The following ITIH5 variants were observed in gnomAD, a reference collection of about 807,000 sequenced individuals.
The protein encoded by ITIH5 is inter-alpha-trypsin inhibitor heavy chain H5.
ITIH5 carries 65 observed loss-of-function variants against 77.5 expected under a neutral mutation model. The observed-to-expected ratio is 0.84, with a 90% confidence interval of 0.69 to 1.03. The LOEUF (loss-of-function observed/expected upper bound fraction) is 1.03, where lower values mean the gene tolerates loss of function less well. Ranked by LOEUF, ITIH5 falls within the 50% of genes least tolerant of loss-of-function variation. The pLI is 0.00. For synonymous variants in ITIH5, 525 were observed against 494.3 expected (o/e 1.06, Z -0.82); for missense variants, 1,208 against 1,213.1 (o/e 1.00, Z 0.06).
In ITIH5 at chr10:7,661,006, G is replaced by A. The variant is rs980743912; in HGVS notation, c.91-5331C>T. Reference sequence around the variant, plus strand: ...GAGCAGTGGGCGAGCCCGCATTACCGGCTGAGCTCTGCCTCCTAATGCTCC... The same window carrying A: ...GAGCAGTGGGCGAGCCCGCATTACCAGCTGAGCTCTGCCTCCTAATGCTCC... On this transcript the variant is annotated intron_variant, in intron 1 of 13. Coordinates refer to ENST00000397146, the MANE Select transcript of ITIH5 (RefSeq NM_030569.7). Among the ~76,000 whole-genome samples, 14 of 152,328 alleles carry A rather than the reference G, an allele frequency of 9.2e-5. No individual in the cohort carries two copies. The East Asian group carries it at 1.2e-3, about 13-fold the overall frequency.
At chr10:7,589,640 T>A (rs550094765) in intron 7 of ITIH5, among the ~76,000 whole-genome samples, 1 of 152,092 alleles carries the variant, frequency 6.6e-6, no homozygotes, top group South Asian at 2.1e-4. Flanking sequence ...CTATTCTCTG[T>A]TCTCTCCTCT....
At chr10:7,588,301 T>C (rs1832723320) in intron 7 of ITIH5, among the ~76,000 whole-genome samples, 1 of 152,162 alleles carries the variant, frequency 6.6e-6, no homozygotes, top group African/African-American at 2.4e-5. Context: ...GGTAGATCAC[T>C]TGAGGTGAGG....
In ITIH5 at chr10:7,666,802, C is replaced by T; in HGVS notation, c.90+1G>A. Reference sequence around the variant, plus strand: ...ACCCGGCTCCCCTCGGCTCCACTTACCTGCTCCGAAGAGTGGCCCCAGCTC... The same window carrying T: ...ACCCGGCTCCCCTCGGCTCCACTTATCTGCTCCGAAGAGTGGCCCCAGCTC... On this transcript the variant is annotated splice_donor_variant, in intron 1 of 13. Coordinates refer to ENST00000397146, the MANE Select transcript of ITIH5 (RefSeq NM_030569.7). LOFTEE classifies it high-confidence loss of function. The T allele has an allele frequency of 6.2e-7, 1 of 1,605,530 alleles. No individual in the cohort carries two copies. Among genetic ancestry groups the T allele is most frequent in the South Asian group, 1.1e-5 (1 of 90,196 alleles).
At chr10:7,588,248 G>A (rs1241920086) in intron 7 of ITIH5, among the ~76,000 whole-genome samples, 2 of 152,216 alleles carry the variant, frequency 1.3e-5, no homozygotes, top group African/African-American at 2.4e-5. Context: ...GCCAGGCATG[G>A]TGGTGCACAC....
Position 7,617,164 on chromosome 10 carries a change from GTC to G in ITIH5, c.769_770del (p.Asp257LeufsTer4), listed in dbSNP as rs1440384701. Reference protein sequence around the residue: ...ARIAQNGILGDFIIRYDVNRE... With the variant: ...ARIAQNGILGXFIIRYDVNRE... ...TATTGACGTCATATCTAATGATAAAGTCTCCCAAAATTCCATTCTGGGCAATC... is the reference window on the plus strand; with the variant it reads ...TATTGACGTCATATCTAATGATAAAGTCCCAAAATTCCATTCTGGGCAATC... On this transcript the variant is annotated frameshift_variant, in exon 6 of 14. Coordinates refer to ENST00000397146, the MANE Select transcript of ITIH5 (RefSeq NM_030569.7). LOFTEE classifies it high-confidence loss of function. 6.2e-6 allele frequency: 10 copies of G among 1,604,678 alleles called. No homozygotes were observed. The highest frequency in any genetic ancestry group is 7.6e-6 in the Non-Finnish European group (9 of 1,176,920).
chr10:7,567,363 G>A (rs113078785), intron 12 of ITIH5, among the ~76,000 whole-genome samples: 31,339 of 109,408 alleles, frequency 0.29, 4,054 homozygotes, highest in East Asian at 0.49. Context: ...TTATACTTTA[G>A]GTTTTAGAGT....
At chr10:7,623,732 G>A (rs1411478720) in intron 5 of ITIH5, among the ~76,000 whole-genome samples, 1 of 151,106 alleles carries the variant, frequency 6.6e-6, no homozygotes, top group East Asian at 1.9e-4. Context: ...GAACCCAGGA[G>A]GTGGAGCTCA....
intron 13 of ITIH5, among the ~76,000 whole-genome samples, chr10:7,564,911 G>T (rs1049120848): frequency 8.3e-5 from 1 of 12,032 alleles, no homozygotes; most frequent in African/African-American, 1.3e-4. Flanking sequence ...TACAGACTGT[G>T]TGTGTATATA....
At chr10:7,607,105 G>C (rs559221202) in intron 7 of ITIH5, among the ~76,000 whole-genome samples, 12 of 152,338 alleles carry the variant, frequency 7.9e-5, no homozygotes, top group Admixed American at 6.5e-4. Context: ...GTCTTGACAA[G>C]GGCAGCCCAG....
intron 7 of ITIH5, among the ~76,000 whole-genome samples, chr10:7,594,128 G>GC (rs377528959): frequency 2.0e-3 from 304 of 152,348 alleles, no homozygotes; most frequent in African/African-American, 7.2e-3. Flanking sequence ...ATCAGAGGAT[G>GC]CCCAGAGAGG....
chr10:7,665,492 G>A (rs2131123427), intron 1 of ITIH5, among the ~76,000 whole-genome samples: 1 of 152,304 alleles, frequency 6.6e-6, no homozygotes, highest in African/African-American at 2.4e-5. Flanking sequence ...AGGAATATAA[G>A]GCCGAAAGGC....
rs1296533258 is a variant in ITIH5, at chr10:7,629,232, C to G, written c.652+7996G>C. Among the ~76,000 whole-genome samples, 2 of 141,664 alleles carry G rather than the reference C, an allele frequency of 1.4e-5. 1 individual carries two copies. Among genetic ancestry groups the G allele is most frequent in the Non-Finnish European group, 3.1e-5 (2 of 64,672 alleles). 92.9% of individuals were successfully genotyped at this position (141,664 alleles called of 152,430 possible). A position where few individuals can be genotyped will look rare whatever the true frequency, so the allele number is the denominator to read the frequency against. On this transcript the variant is annotated intron_variant, in intron 5 of 13. Transcript: ENST00000397146. Reference sequence around the variant, plus strand: ...GTGTGTCCCTGTTGTAGCGTGTGCCCATGTTGTAGCGTGTGTCCATGTTGT... The same window carrying G: ...GTGTGTCCCTGTTGTAGCGTGTGCCGATGTTGTAGCGTGTGTCCATGTTGT...
intron 7 of ITIH5, among the ~76,000 whole-genome samples, chr10:7,593,978 C>T (rs1481832539): frequency 6.6e-6 from 1 of 152,224 alleles, no homozygotes; most frequent in South Asian, 2.1e-4. Flanking sequence ...AGAGGAGGAG[C>T]GTCCACACAG....
At chr10:7,587,758 G>A (rs562542080) in intron 7 of ITIH5, among the ~76,000 whole-genome samples, 41 of 152,304 alleles carry the variant, frequency 2.7e-4, no homozygotes, top group African/African-American at 8.4e-4. Flanking sequence ...TAAGAGAAAC[G>A]GTGAAGTCGG....
chr10:7,633,540 C>T (rs183355191), intron 5 of ITIH5, among the ~76,000 whole-genome samples: 29 of 152,186 alleles, frequency 1.9e-4, no homozygotes, highest in Non-Finnish European at 2.9e-5. Context: ...AAGGGTATAA[C>T]TTGGAATAAA....
At chr10:7,647,670 AGTT>A (rs1834028606) in intron 2 of ITIH5, among the ~76,000 whole-genome samples, 1 of 152,182 alleles carries the variant, frequency 6.6e-6, no homozygotes, top group South Asian at 2.1e-4. Context: ...TTATTTTATT[AGTT>A]ATTTCCAACT....
At chr10:7,644,307 C>A (rs1402444857) in intron 2 of ITIH5, among the ~76,000 whole-genome samples, 1 of 148,156 alleles carries the variant, frequency 6.7e-6, no homozygotes, top group Admixed American at 6.8e-5. Flanking sequence ...TCATACATAT[C>A]ACATATATAT....
intron 2 of ITIH5, among the ~76,000 whole-genome samples, chr10:7,654,345 T>A (rs150200626): frequency 1.3e-5 from 2 of 152,228 alleles, no homozygotes; most frequent in Admixed American, 1.3e-4. Flanking sequence ...CTATTCTCCA[T>A]GAATCTCTGG....
intron 5 of ITIH5, among the ~76,000 whole-genome samples, chr10:7,627,457 G>A (rs1833603109): frequency 6.6e-6 from 1 of 152,130 alleles, no homozygotes; most frequent in Non-Finnish European, 1.5e-5. Flanking sequence ...TGGCTGGTCA[G>A]TAGCCTGTCC....
Sources: gnomAD v4.1 joint callset for allele counts (sites outside exome capture counted in the v4.1 genomes callset) on GRCh38, gnomAD v4.1.1 for gene constraint, MANE v1.5 for transcripts, NCBI Gene and HGNC (gene_info 2026-07-23, HGNC 2026-07-21) for gene names.